The following SEMA5A variants were observed in gnomAD, a reference collection of about 807,000 sequenced individuals.
SEMA5A encodes the protein semaphorin-5A.
A neutral mutation model predicts 135.5 loss-of-function variants in SEMA5A; 55 were observed. That is an observed-to-expected ratio of 0.41 (90% CI 0.33 to 0.51). The LOEUF is 0.51. Ranked by LOEUF, SEMA5A falls within the 20% of genes least tolerant of loss-of-function variation. The pLI is 0.37. For synonymous variants in SEMA5A, 580 were observed against 546.5 expected (o/e 1.06, Z -0.85); for missense variants, 1,290 against 1,419.9 (o/e 0.91, Z 1.47).
At chr5:9,077,382 ATT>A (rs1239312930) in intron 16 of SEMA5A, among the ~76,000 whole-genome samples, 1 of 152,210 alleles carries the variant, frequency 6.6e-6, no homozygotes, top group Non-Finnish European at 1.5e-5. Flanking sequence ...TGATTTAGAT[ATT>A]TTAGATATTC....
intron 2 of SEMA5A, among the ~76,000 whole-genome samples, chr5:9,420,734 G>A (rs1315181737): frequency 2.0e-5 from 3 of 152,054 alleles, no homozygotes; most frequent in Admixed American, 6.6e-5. Context: ...TCATGGCCCC[G>A]CCAGGCATGG....
At chr5:9,496,757 A>G (rs1454442347) in intron 1 of SEMA5A, among the ~76,000 whole-genome samples, 1 of 152,202 alleles carries the variant, frequency 6.6e-6, no homozygotes, top group Non-Finnish European at 1.5e-5. Flanking sequence ...CAATTACCTG[A>G]GGAAGGCTGG....
chr5:9,334,917 TTG>T (rs1269538419), intron 4 of SEMA5A, among the ~76,000 whole-genome samples: 1 of 152,170 alleles, frequency 6.6e-6, no homozygotes, highest in Non-Finnish European at 1.5e-5. Context: ...GCATGCTAGG[TTG>T]ACTCAGCGGC....
At chr5:9,135,896 A>G (rs1741711059) in intron 13 of SEMA5A, among the ~76,000 whole-genome samples, 2 of 152,218 alleles carry the variant, frequency 1.3e-5, no homozygotes, top group Admixed American at 6.5e-5. Flanking sequence ...CCAAACACAT[A>G]TATCAGCAAA....
At chr5:9,520,229 C>T (rs1736747807) in intron 1 of SEMA5A, among the ~76,000 whole-genome samples, 1 of 152,192 alleles carries the variant, frequency 6.6e-6, no homozygotes, top group African/African-American at 2.4e-5. Context: ...CTACTCCAGG[C>T]CAGGCACTGT....
chr5:9,446,038 C>T (rs1758421290), intron 1 of SEMA5A, among the ~76,000 whole-genome samples: 1 of 152,224 alleles, frequency 6.6e-6, no homozygotes, highest in Non-Finnish European at 1.5e-5. Context: ...AAATATTAAA[C>T]ATAGCTCCGA....
intron 3 of SEMA5A, among the ~76,000 whole-genome samples, chr5:9,367,951 G>A (rs1250338214): frequency 1.3e-5 from 2 of 152,216 alleles, no homozygotes; most frequent in African/African-American, 2.4e-5. Flanking sequence ...TCTGCCATGA[G>A]TAAAAGCTTT....
intron 5 of SEMA5A, among the ~76,000 whole-genome samples, chr5:9,298,267 G>T (rs1463542324): frequency 6.6e-6 from 1 of 152,170 alleles, no homozygotes; most frequent in Non-Finnish European, 1.5e-5. Flanking sequence ...GGAGAAGATG[G>T]CCAAAAGGCT....
intron 1 of SEMA5A, among the ~76,000 whole-genome samples, chr5:9,452,141 G>T (rs1051748688): frequency 2.0e-5 from 3 of 152,162 alleles, no homozygotes; most frequent in Admixed American, 6.5e-5. Flanking sequence ...GTCTCCTAAT[G>T]CTGAGGACAG....
intron 12 of SEMA5A, among the ~76,000 whole-genome samples, chr5:9,146,703 T>C (rs886818226): frequency 3.9e-5 from 6 of 152,102 alleles, no homozygotes; most frequent in Admixed American, 2.0e-4. Context: ...ACACTCTGAG[T>C]CCTCTGAAGG....
chr5:9,430,249 C>A (rs1448444909), intron 2 of SEMA5A, among the ~76,000 whole-genome samples: 1 of 152,034 alleles, frequency 6.6e-6, no homozygotes, highest in Non-Finnish European at 1.5e-5. Context: ...AAGGACATGG[C>A]TAGGGGTTGT....
intron 1 of SEMA5A, among the ~76,000 whole-genome samples, chr5:9,454,720 C>A (rs1758767306): frequency 6.6e-6 from 1 of 152,248 alleles, no homozygotes; most frequent in South Asian, 2.1e-4. Flanking sequence ...CGCTTCTCCT[C>A]TAGCAATGTT....
chr5:9,516,415 G>C (rs1435674009), intron 1 of SEMA5A, among the ~76,000 whole-genome samples: 1 of 152,152 alleles, frequency 6.6e-6, no homozygotes, highest in Non-Finnish European at 1.5e-5. Flanking sequence ...TCTAGAAAAA[G>C]AGATTTCTCT....
chr5:9,433,556 G>A (rs189375850), intron 2 of SEMA5A, among the ~76,000 whole-genome samples: 1 of 150,018 alleles, frequency 6.7e-6, no homozygotes, highest in Non-Finnish European at 1.5e-5. Flanking sequence ...TCTCACACAC[G>A]CTTGTTTGTC....
chr5:9,318,057 C>T (rs936237054), intron 5 of SEMA5A, among the ~76,000 whole-genome samples: 2 of 152,098 alleles, frequency 1.3e-5, no homozygotes, highest in Admixed American at 1.3e-4. Flanking sequence ...ATTGCTGTAA[C>T]TGTGGGGGAA....
intron 2 of SEMA5A, among the ~76,000 whole-genome samples, chr5:9,397,963 C>T (rs1332257425): frequency 6.6e-6 from 1 of 152,190 alleles, no homozygotes; most frequent in East Asian, 1.9e-4. Flanking sequence ...ATGTTGATCA[C>T]GATTCCCTGG....
intron 1 of SEMA5A, among the ~76,000 whole-genome samples, chr5:9,525,715 A>C (rs1737087983): frequency 6.6e-6 from 1 of 152,216 alleles, no homozygotes; most frequent in South Asian, 2.1e-4. Context: ...CCTCACATGA[A>C]GTAGAACTAG....
intron 15 of SEMA5A, among the ~76,000 whole-genome samples, 171 bp downstream of exon 15, chr5:9,118,827 T>C (rs1244921436): frequency 1.3e-5 from 2 of 152,074 alleles, no homozygotes; most frequent in Non-Finnish European, 2.9e-5. Context: ...TCGACGAGGC[T>C]TTGATCAAAA....
chr5:9,376,895 C>T lies in SEMA5A; in HGVS notation c.124+2928G>A, dbSNP rs980551662. On this transcript the variant is annotated intron_variant, in intron 3 of 22. Transcript: ENST00000382496. ...GAATTGGGCAACATTTACAAAACGA[C>T]ATATGCATTCACCCTTTGGCCCAGA... Among the ~76,000 whole-genome samples, 37 of 152,274 alleles carry T rather than the reference C, an allele frequency of 2.4e-4. 1 individual carries two copies. Among genetic ancestry groups the T allele is most frequent in the African/African-American group, 8.4e-4 (35 of 41,566 alleles).
Sources: allele counts gnomAD v4.1 joint callset (sites outside exome capture counted in the v4.1 genomes callset), GRCh38; gene constraint gnomAD v4.1.1; transcripts MANE v1.5; gene names NCBI Gene and HGNC (gene_info 2026-07-23, HGNC 2026-07-21).